ACSL4: variants seen among roughly 807,000 people sequenced by gnomAD.
ACSL4 encodes the protein acyl-CoA synthetase long chain family member 4.
Under a neutral mutation model 49.1 loss-of-function variants are expected in ACSL4, and 9 were observed. The ratio of observed to expected loss-of-function variants is 0.18; its 90% CI spans 0.11 to 0.32. The LOEUF is 0.32. ACSL4 is among the 10% of genes least tolerant of loss of function. The pLI is 1.00. For missense variants in ACSL4, 333 were observed against 493.7 expected (o/e 0.67, Z 3.08); for synonymous variants, 191 against 170.3 (o/e 1.12, Z -0.95).
At chrX:109,646,867 G>T (rs1238529560) in intron 15 of ACSL4, among the ~76,000 whole-genome samples, 1 of 110,960 alleles carries the variant, frequency 9.0e-6, no homozygotes, top group Non-Finnish European at 1.9e-5. Flanking sequence ...GGCAGGGGTT[G>T]CAATCCTAGT....
intron 12 of ACSL4, among the ~76,000 whole-genome samples, chrX:109,663,886 T>C (rs963306196): frequency 9.0e-6 from 1 of 111,065 alleles, no homozygotes; most frequent in African/African-American, 3.3e-5. Flanking sequence ...AGGAAGAAAA[T>C]TGTATTAATT....
chrX:109,719,216 C>T (rs1369547961), intron 1 of ACSL4, among the ~76,000 whole-genome samples: 3 of 111,590 alleles, frequency 2.7e-5, no homozygotes, highest in Admixed American at 9.5e-5. Context: ...AATCATAGGC[C>T]AATCACTCCA....
intron 2 of ACSL4, among the ~76,000 whole-genome samples, chrX:109,685,059 G>A (rs1351683201): frequency 9.2e-6 from 1 of 108,615 alleles, no homozygotes; most frequent in African/African-American, 3.4e-5. Context: ...GCAGAAACAG[G>A]CTCAAGAATA....
At chrX:109,647,127 C>T (rs1340617779) in intron 15 of ACSL4, among the ~76,000 whole-genome samples, 2 of 110,687 alleles carry the variant, frequency 1.8e-5, no homozygotes, top group Non-Finnish European at 3.8e-5. Flanking sequence ...GACAGAAAGT[C>T]AACAAGGATA....
chrX:109,717,692 G>C lies in ACSL4; in HGVS notation c.-66+15447C>G, dbSNP rs147975964. 3.9e-3 allele frequency among the ~76,000 whole-genome samples: 435 copies of C among 110,897 alleles called. 4 individuals carry two copies. Among genetic ancestry groups the C allele is most frequent in the African/African-American group, 0.014 (416 of 30,492 alleles). ...GCCGGTAAGAGCAAGGGAAAAAAATGGTCTGGCAATAGCAGGACATGGCCC... is the reference window on the plus strand; with the variant it reads ...GCCGGTAAGAGCAAGGGAAAAAAATCGTCTGGCAATAGCAGGACATGGCCC... On this transcript the variant is annotated intron_variant, in intron 1 of 15. Coordinates refer to ENST00000672401, the MANE Select transcript of ACSL4 (RefSeq NM_001318510.2).
In ACSL4 at chrX:109,663,250, T is replaced by C; in HGVS notation, c.1543A>G (p.Ile515Val). The C allele has an allele frequency of 8.3e-7, 1 of 1,209,390 alleles. No individual in the cohort carries two copies. The highest frequency in any genetic ancestry group is 1.1e-6 in the Non-Finnish European group (1 of 893,797). The change falls in exon 13 of 16, where the codon ATT becomes GTT. Residue 515 changes from isoleucine (I) to valine (V), a missense_variant. By Grantham distance (29) the Ile-to-Val change is conservative (BLOSUM62 3). Coordinates refer to ENST00000672401, the MANE Select transcript of ACSL4 (RefSeq NM_001318510.2). ...NGQRWFCTGDIGEFHPDGCLQ... is the reference protein window; with the variant it reads ...NGQRWFCTGDVGEFHPDGCLQ... ...CATCCATCGGGATGGAATTCTCCAA[T>C]ATCACCAGTGCAAAACCACCTTTGT...
intron 11 of ACSL4, among the ~76,000 whole-genome samples, chrX:109,666,788 G>A (rs903410172): frequency 4.5e-5 from 5 of 111,944 alleles, no homozygotes; most frequent in African/African-American, 9.8e-5. Flanking sequence ...GGTGGCACAC[G>A]CCTGTAGTCC....
At position 109,642,812 on chromosome X, in the gene ACSL4, T is replaced by C. The variant is rs1166194722; in HGVS notation, c.*1217A>G. The C allele has an allele frequency of 9.0e-6, 1 of 111,275 alleles. No individual in the cohort carries two copies. The highest frequency in any genetic ancestry group is 1.9e-5 in the Non-Finnish European group (1 of 52,901). The allele number at this position is 111,275 out of a possible 1,213,427, so 9.2% of individuals were successfully genotyped here. ...AGTAACTCTGCCCTTCTCCCAAATC[T>C]AGTATTTCCAGTTTCTAAGCTCTTC... On this transcript the variant is annotated 3_prime_UTR_variant, in exon 16 of 16. Transcript: ENST00000672401.
intron 11 of ACSL4, among the ~76,000 whole-genome samples, chrX:109,666,261 G>A (rs1922625365): frequency 8.9e-6 from 1 of 111,922 alleles, no homozygotes; most frequent in Admixed American, 9.4e-5. Context: ...GAAGTAGTTA[G>A]GAAAGACATT....
At chrX:109,707,691 T>C (rs996779147) in intron 1 of ACSL4, among the ~76,000 whole-genome samples, 2 of 110,349 alleles carry the variant, frequency 1.8e-5, no homozygotes, top group Non-Finnish European at 3.8e-5. Flanking sequence ...ATCATGGTGG[T>C]ATGGATAACA....
intron 2 of ACSL4, among the ~76,000 whole-genome samples, chrX:109,693,007 T>C (rs182929541): frequency 1.9e-4 from 21 of 111,708 alleles, no homozygotes; most frequent in African/African-American, 6.8e-4. Flanking sequence ...GCAGCAGTAG[T>C]AGTTCCCATA....
intron 15 of ACSL4, among the ~76,000 whole-genome samples, chrX:109,657,378 C>G (rs892547434): frequency 9.2e-6 from 1 of 108,159 alleles, no homozygotes; most frequent in Non-Finnish European, 1.9e-5. Context: ...TCCCCCCACC[C>G]CACAACAGGC....
chrX:109,666,202 G>A, intron 11 of ACSL4, among the ~76,000 whole-genome samples: 1 of 112,491 alleles, frequency 8.9e-6, no homozygotes, highest in East Asian at 2.8e-4. Flanking sequence ...CATGGGCACT[G>A]AAGGTAAGCA....
chrX:109,718,666 A>G (rs1381813438), intron 1 of ACSL4, among the ~76,000 whole-genome samples: 1 of 107,227 alleles, frequency 9.3e-6, no homozygotes, highest in East Asian at 3.2e-4. Flanking sequence ...ATGTGGGAGG[A>G]TTGCTTGAGC....
At chrX:109,647,555 C>T (rs1404807541) in intron 15 of ACSL4, among the ~76,000 whole-genome samples, 3 of 110,076 alleles carry the variant, frequency 2.7e-5, no homozygotes, top group African/African-American at 1.0e-4. Flanking sequence ...GCACTAAATG[C>T]CCACAAGAGA....
chrX:109,692,911 C>T (rs780918724), intron 2 of ACSL4, among the ~76,000 whole-genome samples: 1 of 112,115 alleles, frequency 8.9e-6, no homozygotes, highest in Admixed American at 9.5e-5. Context: ...ATACATCTAT[C>T]TCCTGTCATC....
Position 109,644,056 on chromosome X carries a change from G to A in ACSL4, c.1986C>T (p.Asp662=). The A allele has an allele frequency of 1.7e-6, 2 of 1,211,422 alleles. No homozygotes were observed. Among genetic ancestry groups the A allele is most frequent in the Non-Finnish European group, 2.2e-6 (2 of 895,342 alleles). Residue 662 remains aspartate (D), a synonymous_variant, in exon 16 of 16, where the codon GAC becomes GAT. Coordinates refer to ENST00000672401, the MANE Select transcript of ACSL4 (RefSeq NM_001318510.2). ...ATTTGCCCCCATACATTCGTTCAAT[G>A]TCTTTGAGGTAATGGTTCCTCAGCT... The part of the protein sequence containing the change: ...RKELRNHYLK[D]IERMYGGK
chrX:109,676,334 C>A (rs1423912387), intron 8 of ACSL4, among the ~76,000 whole-genome samples: 2 of 110,719 alleles, frequency 1.8e-5, no homozygotes, highest in Admixed American at 9.6e-5. Context: ...TAGTATACAA[C>A]CTATCTAGCC....
chrX:109,667,465 G>A (rs1922761029), intron 11 of ACSL4, among the ~76,000 whole-genome samples: 1 of 112,651 alleles, frequency 8.9e-6, no homozygotes, highest in Non-Finnish European at 1.9e-5. Context: ...GTTAGGACAG[G>A]AACACAGATT....
Sources: allele counts gnomAD v4.1 joint callset (sites outside exome capture counted in the v4.1 genomes callset), GRCh38; gene constraint gnomAD v4.1.1; transcripts MANE v1.5; gene names NCBI Gene and HGNC (gene_info 2026-07-23, HGNC 2026-07-21).